The following FANCC variants were observed in gnomAD, a reference collection of about 807,000 sequenced individuals.
The protein encoded by FANCC is Fanconi anemia group C protein.
A neutral mutation model predicts 71.3 loss-of-function variants in FANCC; 55 were observed. That is an observed-to-expected ratio of 0.77 (90% CI 0.62 to 0.97). The LOEUF (loss-of-function observed/expected upper bound fraction) is 0.97, where lower values mean the gene tolerates loss of function less well. Among genes scored for constraint, FANCC ranks in the 50% least tolerant of loss-of-function variants. The pLI is 0.00. For synonymous variants in FANCC, 275 were observed against 244.9 expected, an observed-to-expected ratio of 1.12 and a Z score of -1.15; for missense variants, 678 against 670.9, an observed-to-expected ratio of 1.01 and a Z score of -0.12.
chr9:95,175,858 G>A (rs1250999239), intron 4 of FANCC, among the ~76,000 whole-genome samples: 1 of 152,224 alleles, frequency 6.6e-6, no homozygotes, highest in East Asian at 1.9e-4. Context: ...AAATCCACGC[G>A]GAGGTGTCCA....
At chr9:95,144,846 G>A (rs537385170) in intron 7 of FANCC, among the ~76,000 whole-genome samples, 3 of 152,252 alleles carry the variant, frequency 2.0e-5, no homozygotes, top group African/African-American at 4.8e-5. Flanking sequence ...GGAAAGAATC[G>A]AGCGCCGCGC....
In FANCC at chr9:95,317,528, G is replaced by C. The variant is rs876661090; in HGVS notation, c.-81C>G. On this transcript the variant is annotated splice_region_variant and 5_prime_UTR_variant, in exon 1 of 15. Coordinates refer to ENST00000289081, the MANE Select transcript of FANCC (RefSeq NM_000136.3). ...GCGTTCTGCGGCCTGCCGCTTACCG[G>C]GTGGTCCTCGCGGGAGCTGCTTCAG... 1 of 152,304 alleles carries C rather than the reference G, an allele frequency of 6.6e-6. No individual in the cohort carries two copies. The highest frequency in any genetic ancestry group is 1.5e-5 in the Non-Finnish European group (1 of 68,094). 9.4% of individuals were successfully genotyped at this position (152,304 alleles called of 1,614,324 possible).
chr9:95,131,493 CCT>C (rs1826905749), intron 8 of FANCC, among the ~76,000 whole-genome samples: 1 of 152,208 alleles, frequency 6.6e-6, no homozygotes, highest in Non-Finnish European at 1.5e-5. Flanking sequence ...GCAACGTGGG[CCT>C]CTTTCTTCAC....
intron 7 of FANCC, among the ~76,000 whole-genome samples, chr9:95,146,006 T>C (rs1286590651): frequency 1.3e-5 from 2 of 151,944 alleles, no homozygotes; most frequent in East Asian, 3.9e-4. Context: ...ACAAACCAAC[T>C]GGAAGAAAAA....
intron 4 of FANCC, among the ~76,000 whole-genome samples, chr9:95,232,699 A>C (rs562658180): frequency 6.6e-6 from 1 of 152,296 alleles, no homozygotes; most frequent in Admixed American, 6.5e-5. Flanking sequence ...TCAAATAGAA[A>C]AGGAAAGAAA....
chr9:95,287,011 T>C (rs961866293), intron 1 of FANCC, among the ~76,000 whole-genome samples: 5 of 152,064 alleles, frequency 3.3e-5, no homozygotes, highest in African/African-American at 1.2e-4. Flanking sequence ...AAAATAATAA[T>C]TATTATTATT....
chr9:95,248,989 G>C, intron 2 of FANCC, 138 bp downstream of exon 2: 2 of 794,862 alleles, frequency 2.5e-6, no homozygotes, highest in East Asian at 2.6e-5. Flanking sequence ...ACCAGCTCTT[G>C]AGTAATTTGT....
intron 11 of FANCC, among the ~76,000 whole-genome samples, chr9:95,115,167 C>T (rs1253448743): frequency 6.6e-6 from 1 of 152,174 alleles, no homozygotes; most frequent in Non-Finnish European, 1.5e-5. Context: ...GTCTCAAATT[C>T]CTGGGCTCAA....
Position 95,251,120 on chromosome 9 carries a change from T to C in FANCC, c.-78-1751A>G, listed in dbSNP as rs115097651. Among the ~76,000 whole-genome samples the C allele has an allele frequency of 3.2e-3, 493 of 152,326 alleles. 4 individuals are homozygous for C. The highest frequency in any genetic ancestry group is 0.011 in the African/African-American group (463 of 41,578). ...TTCCAGTTAATTATCCTGGGCTTTA[T>C]TCGTTCACTTAGTTACCGCTTCCTC... On this transcript the variant is annotated intron_variant, in intron 1 of 14. Coordinates refer to ENST00000289081, the MANE Select transcript of FANCC (RefSeq NM_000136.3).
At chr9:95,127,204 C>A (rs1370341699) in intron 8 of FANCC, 1 of 152,886 alleles carries the variant, frequency 6.5e-6, no homozygotes, top group Non-Finnish European at 1.5e-5. Context: ...TTTGAGTCTG[C>A]AGAAGCTGGC....
intron 4 of FANCC, among the ~76,000 whole-genome samples, chr9:95,220,099 C>A (rs1159869126): frequency 6.6e-6 from 1 of 152,150 alleles, no homozygotes; most frequent in East Asian, 1.9e-4. Context: ...TTTATGCAGC[C>A]AACAGACACA....
chr9:95,114,674 T>C lies in FANCC; in HGVS notation c.1109A>G (p.His370Arg), dbSNP rs760256801. ...TGCTTCTCTGAGCAGTTCAGAAATA[T>C]GCTTCAGTGTCTGGAGCCAGTGTCC... ...PRGHWLQTLK[H>R]ISELLREAVE... Residue 370 changes from histidine (H) to arginine (R), a missense_variant, in exon 12 of 15, where the codon CAT becomes CGT. Physicochemically the swap from His to Arg is conservative, Grantham distance 29. Coordinates refer to ENST00000289081, the MANE Select transcript of FANCC (RefSeq NM_000136.3). The C allele has an allele frequency of 1.2e-6, 2 of 1,614,216 alleles. No individual in the cohort carries two copies. The highest frequency in any genetic ancestry group is 1.1e-5 in the South Asian group (1 of 91,084).
Position 95,241,957 on chromosome 9 carries a change from G to C in FANCC, c.251-1214C>G, listed in dbSNP as rs375514113. Among the ~76,000 whole-genome samples the C allele has an allele frequency of 2.9e-4, 44 of 152,256 alleles. 1 individual carries two copies. In the South Asian group the frequency reaches 7.9e-3, roughly 27 times the overall value. On this transcript the variant is annotated intron_variant, in intron 3 of 14. Coordinates refer to ENST00000289081, the MANE Select transcript of FANCC (RefSeq NM_000136.3). ...TCACAGGCATGAGCCACCGTGCCTG[G>C]CCAAAACCCAGCATTTCTAAGGACT...
intron 4 of FANCC, among the ~76,000 whole-genome samples, chr9:95,211,454 T>C (rs1265373914): frequency 1.3e-5 from 2 of 152,240 alleles, no homozygotes; most frequent in Admixed American, 1.3e-4. Context: ...AACATGCTAC[T>C]TGGCCTTGGT....
At chr9:95,314,698 T>C (rs543415951) in intron 1 of FANCC, among the ~76,000 whole-genome samples, 24 of 151,094 alleles carry the variant, frequency 1.6e-4, no homozygotes, top group African/African-American at 5.3e-4. Flanking sequence ...ATAAAAAAAA[T>C]TTTAATGAAA....
chr9:95,263,174 C>T (rs1043351728), intron 1 of FANCC, among the ~76,000 whole-genome samples: 7 of 152,204 alleles, frequency 4.6e-5, no homozygotes, highest in Admixed American at 4.6e-4. Flanking sequence ...GCTGGCCCAG[C>T]AGAGGTGGGG....
intron 6 of FANCC, among the ~76,000 whole-genome samples, chr9:95,160,906 T>C (rs959049676): frequency 1.3e-5 from 2 of 152,218 alleles, no homozygotes; most frequent in African/African-American, 4.8e-5. Flanking sequence ...TGAAGTTGCT[T>C]ATCAGCTTAA....
In FANCC at chr9:95,288,960, GTGTGGTGACACAC is replaced by G. The variant is rs1171757521; in HGVS notation, c.-79+28553_-79+28565del. Among the ~76,000 whole-genome samples the G allele has an allele frequency of 3.3e-5, 5 of 152,000 alleles. No individual in the cohort carries two copies. In the South Asian group the frequency reaches 1.0e-3, roughly 32 times the overall value. ...AAACAGACAAACAAAAATTAGCCAG[GTGTGGTGACACAC>G]ACCAGTAGTCCTAGCTGCTTGGGAG... is the stretch of plus-strand genomic sequence containing the variant. On this transcript the variant is annotated intron_variant, in intron 1 of 14. Transcript: ENST00000289081.
intron 7 of FANCC, among the ~76,000 whole-genome samples, chr9:95,140,681 T>G (rs1354456638): frequency 1.3e-5 from 2 of 152,082 alleles, no homozygotes; most frequent in South Asian, 4.1e-4. Context: ...GCTGTTTGGG[T>G]TGCCAGACAA....
Sources: allele counts gnomAD v4.1 joint callset (sites outside exome capture counted in the v4.1 genomes callset), GRCh38; gene constraint gnomAD v4.1.1; transcripts MANE v1.5; gene names NCBI Gene and HGNC (gene_info 2026-07-23, HGNC 2026-07-21).